MYO3B: variants seen among roughly 807,000 people sequenced by gnomAD.
The protein encoded by MYO3B is myosin-IIIb.
Under a neutral mutation model 174.6 loss-of-function variants are expected in MYO3B, and 156 were observed. The ratio of observed to expected loss-of-function variants is 0.89; its 90% CI spans 0.78 to 1.02. The LOEUF (loss-of-function observed/expected upper bound fraction) is 1.02, where lower values mean the gene tolerates loss of function less well. MYO3B is among the 50% of genes least tolerant of loss of function. The probability of loss-of-function intolerance (pLI) is 0.00; values close to 1 mark genes in which losing one functional copy is unlikely to be tolerated. For synonymous variants in MYO3B, 563 were observed against 569.1 expected, an observed-to-expected ratio of 0.99 and a Z score of 0.15; for missense variants, 1,632 against 1,639.4, an observed-to-expected ratio of 1.00 and a Z score of 0.08.
At position 170,214,783 on chromosome 2, in the gene MYO3B, A is replaced by G. The variant is rs1262982840; in HGVS notation, c.481A>G (p.Asn161Asp). Reference protein sequence around the residue: ...RIIHRDVKGNNILLTTEGGVK... With the variant: ...RIIHRDVKGNDILLTTEGGVK... ...CATCCACCGTGATGTGAAGGGGAATAACATTCTTCTGACAACAGAAGGAGG... is the reference window on the plus strand; with the variant it reads ...CATCCACCGTGATGTGAAGGGGAATGACATTCTTCTGACAACAGAAGGAGG... Residue 161 changes from asparagine to aspartate, a missense_variant, in exon 5 of 35, where the codon AAC (asparagine) becomes GAC (aspartate). By Grantham distance (23) the Asn-to-Asp change is conservative (BLOSUM62 1). Transcript: ENST00000408978. 1 of 1,614,152 alleles carries G rather than the reference A, an allele frequency of 6.2e-7. No homozygotes were observed. Among genetic ancestry groups the G allele is most frequent in the African/African-American group, 1.3e-5 (1 of 75,048 alleles).
chr2:170,266,356 G>C (rs913056079), intron 7 of MYO3B, among the ~76,000 whole-genome samples: 3 of 152,002 alleles, frequency 2.0e-5, no homozygotes, highest in Non-Finnish European at 2.9e-5. Flanking sequence ...GTCATTTCTT[G>C]GTGTGCTAAG....
chr2:170,317,582 C>T (rs2105485292), intron 7 of MYO3B, among the ~76,000 whole-genome samples: 1 of 152,256 alleles, frequency 6.6e-6, no homozygotes, highest in East Asian at 1.9e-4. Flanking sequence ...CTCTAGTTTG[C>T]CCCATCACCA....
intron 29 of MYO3B, among the ~76,000 whole-genome samples, chr2:170,517,982 A>G (rs1216800488): frequency 7.1e-6 from 1 of 140,012 alleles, no homozygotes; most frequent in Non-Finnish European, 1.5e-5. Flanking sequence ...CTGTTTGGCC[A>G]TAATGTTTGT....
At chr2:170,642,393 T>C (rs1698043462) in intron 32 of MYO3B, among the ~76,000 whole-genome samples, 1 of 152,200 alleles carries the variant, frequency 6.6e-6, no homozygotes, top group South Asian at 2.1e-4. Context: ...GTTTTGCAAT[T>C]TTGAAGAAGA....
At chr2:170,604,650 T>C (rs1450877858) in intron 32 of MYO3B, among the ~76,000 whole-genome samples, 1 of 152,120 alleles carries the variant, frequency 6.6e-6, no homozygotes, top group Non-Finnish European at 1.5e-5. Context: ...TGACTGCATA[T>C]CATTCAGAAC....
intron 7 of MYO3B, among the ~76,000 whole-genome samples, chr2:170,310,530 G>T (rs978528074): frequency 6.6e-6 from 1 of 151,944 alleles, no homozygotes; most frequent in African/African-American, 2.4e-5. Flanking sequence ...TGGGCATGTT[G>T]GTGGGCACCT....
At chr2:170,214,566 G>A (rs1374556557) in intron 4 of MYO3B, 83 bp downstream of exon 4, 5 of 1,414,108 alleles carry the variant, frequency 3.5e-6, no homozygotes, top group East Asian at 2.3e-5. Flanking sequence ...ATTAACAATG[G>A]GGAAACTGCC....
At chr2:170,593,658 A>T (rs1693961771) in intron 32 of MYO3B, among the ~76,000 whole-genome samples, 1 of 152,242 alleles carries the variant, frequency 6.6e-6, no homozygotes, top group Non-Finnish European at 1.5e-5. Flanking sequence ...GTTATTATTC[A>T]CAATACATAC....
intron 7 of MYO3B, among the ~76,000 whole-genome samples, chr2:170,277,746 A>G (rs2093473823): frequency 6.6e-6 from 1 of 152,182 alleles, no homozygotes; most frequent in East Asian, 1.9e-4. Flanking sequence ...CTTACAGAGA[A>G]TGCAATCTGT....
At chr2:170,224,045 G>A (rs1216401894) in intron 6 of MYO3B, among the ~76,000 whole-genome samples, 1 of 152,194 alleles carries the variant, frequency 6.6e-6, no homozygotes, top group African/African-American at 2.4e-5. Context: ...GGAAAGGTCT[G>A]TTTGACAAGC....
In MYO3B at chr2:170,522,381, T is replaced by G. The variant is rs538514849; in HGVS notation, c.3575+2841T>G. On this transcript the variant is annotated intron_variant, in intron 30 of 34. Transcript: ENST00000408978. The stretch of plus-strand genomic sequence containing the variant: ...TGTCTTGTGACCTGGCCTTCAAACC[T>G]GGCACAGTCACTCTTGACCCCTACC... 2.6e-5 allele frequency among the ~76,000 whole-genome samples: 4 copies of G among 152,324 alleles called. No individual in the cohort carries two copies. In the South Asian group the frequency reaches 8.3e-4, roughly 32 times the overall value.
At chr2:170,642,865 G>A (rs148484318) in intron 32 of MYO3B, among the ~76,000 whole-genome samples, 3 of 152,068 alleles carry the variant, frequency 2.0e-5, no homozygotes, top group Admixed American at 6.6e-5. Flanking sequence ...CATGCCTCAA[G>A]GCATATTAGG....
Position 170,354,956 on chromosome 2 carries a change from T to TG in MYO3B, c.816-14260dup, listed in dbSNP as rs567333318. On this transcript the variant is annotated intron_variant, in intron 8 of 34. Coordinates refer to ENST00000408978, the MANE Select transcript of MYO3B (RefSeq NM_138995.5). ...CTGGATTGACATCCTGGGGGTGGGGTGGGGGGTGGAGGGTGAAGTGTTCAT... is the reference window on the plus strand; with the variant it reads ...CTGGATTGACATCCTGGGGGTGGGGTGGGGGGGTGGAGGGTGAAGTGTTCAT... Among the ~76,000 whole-genome samples the TG allele has an allele frequency of 1.8e-3, 230 of 127,500 alleles. 1 individual carries two copies. The highest frequency in any genetic ancestry group is 6.3e-3 in the African/African-American group (212 of 33,748). 83.6% of individuals were successfully genotyped at this position (127,500 alleles called of 152,430 possible).
At chr2:170,523,992 G>A (rs1004665763) in intron 30 of MYO3B, among the ~76,000 whole-genome samples, 3 of 152,222 alleles carry the variant, frequency 2.0e-5, no homozygotes, top group Admixed American at 6.5e-5. Context: ...TGGAGAGACA[G>A]TGATGGGAGC....
intron 7 of MYO3B, among the ~76,000 whole-genome samples, chr2:170,328,468 T>A (rs1009693280): frequency 3.3e-5 from 5 of 152,158 alleles, no homozygotes; most frequent in Non-Finnish European, 7.4e-5. Context: ...TTGCCCCCAC[T>A]GCTCTGAAAT....
chr2:170,486,788 A>G (rs909895378), intron 25 of MYO3B, among the ~76,000 whole-genome samples: 7 of 152,180 alleles, frequency 4.6e-5, no homozygotes, highest in African/African-American at 9.7e-5. Flanking sequence ...GAAGTAGCCC[A>G]TTCCCTGTGT....
In MYO3B at chr2:170,401,465, T is replaced by C. The variant is rs1433626860; in HGVS notation, c.1919-16T>C. The stretch of plus-strand genomic sequence containing the variant: ...GGTCTGGCTACATTCTGTGTTATCC[T>C]TACTCTTTGTTTCAGCTGCCTCTGT... On this transcript the variant is annotated splice_polypyrimidine_tract_variant and intron_variant, in intron 17 of 34. Transcript: ENST00000408978. 1 of 1,612,152 alleles carries C rather than the reference T, an allele frequency of 6.2e-7. No homozygotes were observed. Among genetic ancestry groups the C allele is most frequent in the Admixed American group, 1.7e-5 (1 of 60,018 alleles).
intron 23 of MYO3B, 52 bp downstream of exon 23, chr2:170,444,098 C>T (rs2094822803): frequency 1.3e-6 from 2 of 1,501,990 alleles, no homozygotes; most frequent in Non-Finnish European, 1.9e-6. Flanking sequence ...GTACTCTTGA[C>T]CCAGGGATAA....
intron 22 of MYO3B, among the ~76,000 whole-genome samples, chr2:170,436,725 A>T (rs2094757151): frequency 6.6e-6 from 1 of 152,216 alleles, no homozygotes; most frequent in South Asian, 2.1e-4. Context: ...GGGGAAGAAC[A>T]ATCAGAGAAG....
Sources: gnomAD v4.1 joint callset for allele counts (sites outside exome capture counted in the v4.1 genomes callset) on GRCh38, gnomAD v4.1.1 for gene constraint, MANE v1.5 for transcripts, NCBI Gene and HGNC (gene_info 2026-07-23, HGNC 2026-07-21) for gene names.